MATN2: variants seen among roughly 807,000 people sequenced by gnomAD.
The protein encoded by MATN2 is matrilin-2.
In MATN2, 69 loss-of-function variants were observed where a neutral mutation model predicts 103.2. The observed-to-expected ratio is 0.67, with a 90% CI of 0.55 to 0.82. The LOEUF is 0.82. MATN2 is among the 40% of genes least tolerant of loss of function. MATN2 has a pLI of 0.00. For synonymous variants in MATN2, 429 were observed against 450.2 expected, an observed-to-expected ratio of 0.95 and a Z score of 0.60; for missense variants, 1,023 against 1,211.5, an observed-to-expected ratio of 0.84 and a Z score of 2.31.
chr8:98,034,894 A>T (rs1166852382), intron 18 of MATN2, among the ~76,000 whole-genome samples: 1 of 150,392 alleles, frequency 6.6e-6, no homozygotes, highest in Admixed American at 6.7e-5. Flanking sequence ...GCAAGCATTA[A>T]GGGTGGAAGT....
In MATN2 at chr8:98,036,631, T is replaced by TA. The variant is rs1265175993; in HGVS notation, c.*922dup. On this transcript the variant is annotated 3_prime_UTR_variant, in exon 19 of 19. Transcript: ENST00000254898. ...TAAACATCATCAGAAGGGGAACTGA[T>TA]AAACTCTGGTGTAATCCATACCACA... 1 of 152,200 alleles carries TA rather than the reference T, an allele frequency of 6.6e-6. No homozygotes were observed. The highest frequency in any genetic ancestry group is 1.5e-5 in the Non-Finnish European group (1 of 68,032). The allele number at this position is 152,200 out of a possible 1,614,324, so 9.4% of individuals were successfully genotyped here. A position where few individuals can be genotyped will look rare whatever the true frequency, so the allele number is the denominator to read the frequency against.
At chr8:97,904,120 T>A (rs1819083047) in intron 2 of MATN2, among the ~76,000 whole-genome samples, 1 of 152,242 alleles carries the variant, frequency 6.6e-6, no homozygotes, top group African/African-American at 2.4e-5. Context: ...CTCTCTGGTT[T>A]TGGTATCAAA....
At chr8:97,991,513 G>A (rs1812386253) in intron 6 of MATN2, among the ~76,000 whole-genome samples, 1 of 152,156 alleles carries the variant, frequency 6.6e-6, no homozygotes, top group African/African-American at 2.4e-5. Flanking sequence ...CCTGAGTTCA[G>A]GAGTTCGAGA....
At chr8:98,006,211 GT>G (rs1812963077) in intron 8 of MATN2, among the ~76,000 whole-genome samples, 1 of 152,172 alleles carries the variant, frequency 6.6e-6, no homozygotes, top group African/African-American at 2.4e-5. Context: ...GCTTTGGTTT[GT>G]TTTTTAATCT....
At chr8:97,876,140 T>G (rs1173490551) in intron 1 of MATN2, among the ~76,000 whole-genome samples, 1 of 151,402 alleles carries the variant, frequency 6.6e-6, no homozygotes, top group Non-Finnish European at 1.5e-5. Context: ...GCCTCCCGAG[T>G]AGCTGAGACT....
intron 2 of MATN2, among the ~76,000 whole-genome samples, chr8:97,905,026 C>T (rs934629253): frequency 2.0e-5 from 3 of 152,224 alleles, no homozygotes; most frequent in African/African-American, 4.8e-5. Context: ...TTGTAGCCAT[C>T]AGAGATAACT....
At chr8:97,886,502 C>T (rs142602923) in intron 1 of MATN2, among the ~76,000 whole-genome samples, 63 of 152,280 alleles carry the variant, frequency 4.1e-4, no homozygotes, top group African/African-American at 1.4e-3. Flanking sequence ...TCACTTAATA[C>T]GTTGAAGGCA....
At chr8:97,959,343 G>C (rs1047372591) in intron 4 of MATN2, among the ~76,000 whole-genome samples, 1 of 152,224 alleles carries the variant, frequency 6.6e-6, no homozygotes, top group Non-Finnish European at 1.5e-5. Context: ...TTGGGACATA[G>C]TATGCGCTCA....
rs59472539 is a variant in MATN2, at chr8:97,945,717, A to AAATATATAT, written c.835+3819_835+3820insATATATATA. Among the ~76,000 whole-genome samples the AAATATATAT allele has an allele frequency of 5.5e-3, 666 of 121,754 alleles. 4 individuals carry two copies. Among genetic ancestry groups the AAATATATAT allele is most frequent in the Non-Finnish European group, 8.2e-3 (500 of 60,698 alleles). 79.9% of individuals were successfully genotyped at this position (121,754 alleles called of 152,430 possible). A position where few individuals can be genotyped will look rare whatever the true frequency, so the allele number is the denominator to read the frequency against. ...CATACACACTATAGAAAAAAAAAAA[A>AAATATATAT]ATATATATATATATATATAATCTCC... On this transcript the variant is annotated intron_variant, in intron 4 of 18. Coordinates refer to ENST00000254898, the MANE Select transcript of MATN2 (RefSeq NM_002380.5).
At chr8:97,915,245 G>C (rs1809581889) in intron 2 of MATN2, among the ~76,000 whole-genome samples, 1 of 152,056 alleles carries the variant, frequency 6.6e-6, no homozygotes, top group Admixed American at 6.6e-5. Context: ...TCCTGCCTTA[G>C]CCACCCAAAG....
At chr8:97,875,932 T>G (rs1178246455) in intron 1 of MATN2, among the ~76,000 whole-genome samples, 1 of 152,044 alleles carries the variant, frequency 6.6e-6, no homozygotes, top group Non-Finnish European at 1.5e-5. Flanking sequence ...CCTGACCTCA[T>G]GATCCACCCG....
chr8:97,996,965 A>C (rs962254920), intron 7 of MATN2, among the ~76,000 whole-genome samples: 7 of 152,238 alleles, frequency 4.6e-5, no homozygotes, highest in African/African-American at 1.7e-4. Flanking sequence ...CTGGGGGAAA[A>C]AAGATCAAGG....
At chr8:97,961,147 C>T (rs1285051511) in intron 4 of MATN2, among the ~76,000 whole-genome samples, 1 of 152,130 alleles carries the variant, frequency 6.6e-6, no homozygotes, top group Non-Finnish European at 1.5e-5. Flanking sequence ...CAGAAACTCA[C>T]CTGGAAAGAA....
At chr8:97,989,349 G>T (rs1449610494) in intron 6 of MATN2, among the ~76,000 whole-genome samples, 1 of 151,778 alleles carries the variant, frequency 6.6e-6, no homozygotes, top group East Asian at 1.9e-4. Flanking sequence ...GGCACCTGTA[G>T]TCCCAGCTAC....
At chr8:97,998,889 G>T (rs182665135) in intron 7 of MATN2, among the ~76,000 whole-genome samples, 2 of 152,142 alleles carry the variant, frequency 1.3e-5, no homozygotes, top group Non-Finnish European at 2.9e-5. Context: ...TAAGTATCTA[G>T]TCCAGTGGTA....
In MATN2 at chr8:98,035,741, C is replaced by A; in HGVS notation, c.*29C>A. 1 of 1,513,562 alleles carries A rather than the reference C, an allele frequency of 6.6e-7. No individual in the cohort carries two copies. Among genetic ancestry groups the A allele is most frequent in the South Asian group, 1.2e-5 (1 of 83,060 alleles). The allele number at this position is 1,513,562 out of a possible 1,614,324, so 93.8% of individuals were successfully genotyped here. A position where few individuals can be genotyped will look rare whatever the true frequency, so the allele number is the denominator to read the frequency against. ...TTAGAAATCGCGACACATTTGTAGT[C>A]ATTGTATCACGGATTACAATGAACG... is the stretch of plus-strand genomic sequence containing the variant. On this transcript the variant is annotated 3_prime_UTR_variant, in exon 19 of 19. Transcript: ENST00000254898.
chr8:97,940,919 G>A (rs1810529461), intron 3 of MATN2, among the ~76,000 whole-genome samples: 1 of 152,092 alleles, frequency 6.6e-6, no homozygotes, highest in African/African-American at 2.4e-5. Context: ...AGCACTTTGG[G>A]AGGCCAAACT....
chr8:97,874,963 G>A (rs1029215204), intron 1 of MATN2, among the ~76,000 whole-genome samples: 12 of 151,908 alleles, frequency 7.9e-5, no homozygotes, highest in African/African-American at 2.7e-4. Flanking sequence ...TGATCTGTCC[G>A]CCTCGACCTC....
At chr8:98,011,263 C>G (rs374915770) in intron 10 of MATN2, among the ~76,000 whole-genome samples, 253 of 152,294 alleles carry the variant, frequency 1.7e-3, no homozygotes, top group African/African-American at 5.7e-3. Flanking sequence ...AAAGACTCCA[C>G]CTCTGAATAC....
Sources: allele counts gnomAD v4.1 joint callset (sites outside exome capture counted in the v4.1 genomes callset), GRCh38; gene constraint gnomAD v4.1.1; transcripts MANE v1.5; gene names NCBI Gene and HGNC (gene_info 2026-07-23, HGNC 2026-07-21).